The following XYLT1 variants were observed in gnomAD, a reference collection of about 807,000 sequenced individuals.
The protein encoded by XYLT1 is xylosyltransferase 1.
In XYLT1, 36 loss-of-function variants were observed where a neutral mutation model predicts 91.3. The observed-to-expected ratio is 0.39, with a 90% confidence interval of 0.30 to 0.52. The LOEUF is 0.52. Among genes scored for constraint, XYLT1 ranks in the 20% least tolerant of loss-of-function variants. XYLT1 has a pLI of 0.68. For missense variants in XYLT1, 1,242 were observed against 1,284.5 expected, an observed-to-expected ratio of 0.97 and a Z score of 0.51; for synonymous variants, 588 against 532.0, an observed-to-expected ratio of 1.11 and a Z score of -1.45.
At chr16:17,427,445 G>A (rs1224131105) in intron 1 of XYLT1, among the ~76,000 whole-genome samples, 6 of 152,134 alleles carry the variant, frequency 3.9e-5, no homozygotes, top group Non-Finnish European at 8.8e-5. Context: ...AGTGTGCACC[G>A]CCGCACCTGG....
chr16:17,140,337 A>ATGAT (rs1216908646), intron 7 of XYLT1, among the ~76,000 whole-genome samples: 1 of 152,176 alleles, frequency 6.6e-6, no homozygotes, highest in East Asian at 1.9e-4. Context: ...TGGTCATTAC[A>ATGAT]TGATTGGTCA....
intron 9 of XYLT1, among the ~76,000 whole-genome samples, chr16:17,132,785 C>A (rs891418112): frequency 6.6e-6 from 1 of 152,156 alleles, no homozygotes; most frequent in African/African-American, 2.4e-5. Flanking sequence ...TGCCTATAGT[C>A]TCAGCTACTC....
chr16:17,245,463 G>A (rs755287681), intron 3 of XYLT1, among the ~76,000 whole-genome samples: 3 of 152,244 alleles, frequency 2.0e-5, no homozygotes, highest in Middle Eastern at 3.4e-3. Context: ...TCAAAATTGC[G>A]AAGAATAAAT....
chr16:17,179,775 C>T (rs995445592), intron 5 of XYLT1, among the ~76,000 whole-genome samples: 2 of 152,156 alleles, frequency 1.3e-5, no homozygotes, highest in African/African-American at 4.8e-5. Context: ...TATTTATTTA[C>T]TTTTTATTTT....
chr16:17,143,418 T>C (rs946749829), intron 6 of XYLT1, among the ~76,000 whole-genome samples: 3 of 152,150 alleles, frequency 2.0e-5, no homozygotes, highest in South Asian at 4.1e-4. Context: ...AGATGGGAGC[T>C]TACAGTCTAG....
intron 1 of XYLT1, among the ~76,000 whole-genome samples, chr16:17,372,020 C>T (rs191807004): frequency 7.6e-4 from 115 of 152,292 alleles, no homozygotes; most frequent in African/African-American, 2.6e-3. Flanking sequence ...TTCTAAGTTG[C>T]CCCATTCTTG....
chr16:17,214,564 G>T (rs777202271), intron 3 of XYLT1, among the ~76,000 whole-genome samples: 20 of 152,080 alleles, frequency 1.3e-4, no homozygotes, highest in Non-Finnish European at 2.9e-4. Flanking sequence ...ACTAAGTTTG[G>T]GGGGGTTTGC....
intron 11 of XYLT1, among the ~76,000 whole-genome samples, chr16:17,112,896 A>G (rs112688000): frequency 4.9e-5 from 7 of 143,018 alleles, no homozygotes; most frequent in Non-Finnish European, 7.8e-5. Context: ...CTGGAGTGCA[A>G]TGGCATGATC....
At chr16:17,409,696 C>T (rs1409354121) in intron 1 of XYLT1, among the ~76,000 whole-genome samples, 3 of 151,672 alleles carry the variant, frequency 2.0e-5, no homozygotes, top group African/African-American at 7.3e-5. Flanking sequence ...AGTACAGGTG[C>T]CCGCCACCAC....
intron 2 of XYLT1, among the ~76,000 whole-genome samples, chr16:17,336,589 TGA>T (rs1212769296): frequency 3.3e-5 from 5 of 152,054 alleles, no homozygotes; most frequent in Non-Finnish European, 7.4e-5. Context: ...TGCATGTGTG[TGA>T]GAGAGAAAAC....
At chr16:17,326,683 G>T (rs1338064316) in intron 2 of XYLT1, among the ~76,000 whole-genome samples, 1 of 152,000 alleles carries the variant, frequency 6.6e-6, no homozygotes, top group Non-Finnish European at 1.5e-5. Context: ...AAATTAGCCG[G>T]GCGTGGTGGC....
chr16:17,322,259 T>A (rs2034735278), intron 2 of XYLT1, among the ~76,000 whole-genome samples: 1 of 152,128 alleles, frequency 6.6e-6, no homozygotes, highest in African/African-American at 2.4e-5. Flanking sequence ...AAGAGAAGGC[T>A]ACCCCAACAG....
chr16:17,129,184 C>T (rs1053168360), intron 9 of XYLT1, among the ~76,000 whole-genome samples: 4 of 151,976 alleles, frequency 2.6e-5, no homozygotes, highest in South Asian at 2.1e-4. Flanking sequence ...GAAAGTCCAG[C>T]GACTGTGCTG....
At chr16:17,230,078 G>C (rs1316757234) in intron 3 of XYLT1, among the ~76,000 whole-genome samples, 1 of 152,202 alleles carries the variant, frequency 6.6e-6, no homozygotes, top group Non-Finnish European at 1.5e-5. Flanking sequence ...TGCTTCTCCA[G>C]ATCCTCTAGA....
chr16:17,305,792 C>T (rs1022674286), intron 2 of XYLT1, among the ~76,000 whole-genome samples: 12 of 152,120 alleles, frequency 7.9e-5, no homozygotes, highest in Admixed American at 6.5e-4. Flanking sequence ...CTCTGACTTC[C>T]GGAGAACTTT....
intron 5 of XYLT1, among the ~76,000 whole-genome samples, chr16:17,172,875 G>GAAT (rs2031857959): frequency 3.9e-5 from 6 of 152,048 alleles, no homozygotes; most frequent in Non-Finnish European, 8.8e-5. Flanking sequence ...TTTAAGCCCG[G>GAAT]GTTTTATTTG....
chr16:17,268,853 A>G (rs556124061), intron 2 of XYLT1, among the ~76,000 whole-genome samples: 2 of 152,158 alleles, frequency 1.3e-5, no homozygotes, highest in South Asian at 4.2e-4. Context: ...TTGTATTTTT[A>G]GTATAGACAG....
intron 2 of XYLT1, among the ~76,000 whole-genome samples, chr16:17,311,337 G>C (rs146811561): frequency 1.4e-3 from 210 of 152,264 alleles, no homozygotes; most frequent in African/African-American, 4.6e-3. Flanking sequence ...GAGCAGCCTC[G>C]TGGGCTGCTC....
At chr16:17,232,087 T>C (rs111474924) in intron 3 of XYLT1, among the ~76,000 whole-genome samples, 3,769 of 146,562 alleles carry the variant, frequency 0.026, 59 homozygotes, top group Admixed American at 0.038. Flanking sequence ...CTTATTATAA[T>C]AATCTATTAT....
Sources: gnomAD v4.1 joint callset for allele counts (sites outside exome capture counted in the v4.1 genomes callset) on GRCh38, gnomAD v4.1.1 for gene constraint, MANE v1.5 for transcripts, NCBI Gene and HGNC (gene_info 2026-07-23, HGNC 2026-07-21) for gene names.